Variants in DENND1B observed in about 807,000 individuals in gnomAD.
DENND1B encodes the protein DENN domain containing 1B.
A neutral mutation model predicts 90.1 loss-of-function variants in DENND1B; 59 were observed. The ratio of observed to expected loss-of-function variants is 0.65; its 90% CI spans 0.53 to 0.81. The LOEUF (loss-of-function observed/expected upper bound fraction) is 0.81, where lower values mean the gene tolerates loss of function less well. Among genes scored for constraint, DENND1B ranks in the 40% least tolerant of loss-of-function variants. DENND1B has a pLI of 0.00. For missense variants in DENND1B, 862 were observed against 912.6 expected, an observed-to-expected ratio of 0.94 and a Z score of 0.71; for synonymous variants, 337 against 324.6, an observed-to-expected ratio of 1.04 and a Z score of -0.41.
Position 197,510,234 on chromosome 1 carries a change from TAAAC to T in DENND1B, c.*222_*225del. The T allele has an allele frequency of 1.9e-6, 1 of 540,312 alleles. No individual in the cohort carries two copies. The highest frequency in any genetic ancestry group is 3.2e-6 in the Non-Finnish European group (1 of 312,746). The allele number at this position is 540,312 out of a possible 1,614,324, so 33.5% of individuals were successfully genotyped here. A position where few individuals can be genotyped will look rare whatever the true frequency, so the allele number is the denominator to read the frequency against. On this transcript the variant is annotated 3_prime_UTR_variant, in exon 23 of 23. Transcript: ENST00000620048. ...GAAATCTCATGGTCAATACATACTTTAAACATACATACACACTAGTACCTGATTT... is the reference window on the plus strand; with the variant it reads ...GAAATCTCATGGTCAATACATACTTTATACATACACACTAGTACCTGATTT...
intron 3 of DENND1B, among the ~76,000 whole-genome samples, chr1:197,674,667 TAAAAAAA>T (rs35033905): frequency 1.4e-5 from 2 of 144,700 alleles, no homozygotes; most frequent in Non-Finnish European, 3.0e-5. Flanking sequence ...GTCAAACAGT[TAAAAAAA>T]AAAAAAAAGA....
At chr1:197,765,590 AC>A (rs1412600312) in intron 2 of DENND1B, among the ~76,000 whole-genome samples, 1 of 152,216 alleles carries the variant, frequency 6.6e-6, no homozygotes, top group Non-Finnish European at 1.5e-5. Context: ...GGAACATATC[AC>A]CTTGAAAGTC....
chr1:197,693,908 G>A (rs1658169553), intron 3 of DENND1B, among the ~76,000 whole-genome samples: 1 of 151,478 alleles, frequency 6.6e-6, no homozygotes, highest in South Asian at 2.1e-4. Flanking sequence ...AAGATCGGGT[G>A]GAGAAGAGGC....
intron 20 of DENND1B, among the ~76,000 whole-genome samples, chr1:197,529,527 C>T (rs1303737139): frequency 6.6e-6 from 1 of 151,632 alleles, no homozygotes; most frequent in Non-Finnish European, 1.5e-5. Context: ...TGTAATACAG[C>T]TAAGCTCTCA....
chr1:197,700,199 C>T (rs115969497), intron 3 of DENND1B, among the ~76,000 whole-genome samples: 4,581 of 152,184 alleles, frequency 0.03, 101 homozygotes, highest in Middle Eastern at 0.058. Flanking sequence ...GGAGGCATCA[C>T]GCTACCTGAC....
chr1:197,695,704 A>G (rs1396658301), intron 3 of DENND1B, among the ~76,000 whole-genome samples: 1 of 151,126 alleles, frequency 6.6e-6, no homozygotes, highest in East Asian at 1.9e-4. Context: ...TGTCTCATGT[A>G]ATTGACTGGT....
chr1:197,732,829 T>C (rs1410819632), intron 2 of DENND1B, among the ~76,000 whole-genome samples: 2 of 152,170 alleles, frequency 1.3e-5, no homozygotes, highest in African/African-American at 4.8e-5. Context: ...TTCTTGGTAT[T>C]GACAATGCCA....
chr1:197,544,362 A>G (rs941459286), intron 18 of DENND1B, among the ~76,000 whole-genome samples: 1 of 152,172 alleles, frequency 6.6e-6, no homozygotes, highest in African/African-American at 2.4e-5. Flanking sequence ...GCAGAGGAGA[A>G]TATCTCACAT....
At chr1:197,513,463 C>T (rs1004119321) in intron 20 of DENND1B, among the ~76,000 whole-genome samples, 10 of 148,044 alleles carry the variant, frequency 6.8e-5, no homozygotes, top group African/African-American at 2.5e-4. Flanking sequence ...TATAGTGTTT[C>T]TGAGTCTGAA....
chr1:197,557,947 G>T (rs1246755730), intron 15 of DENND1B, among the ~76,000 whole-genome samples: 1 of 151,792 alleles, frequency 6.6e-6, no homozygotes, highest in East Asian at 1.9e-4. Context: ...TCTATAATGT[G>T]CTATCACATG....
At chr1:197,524,918 T>C (rs1669035876) in intron 20 of DENND1B, among the ~76,000 whole-genome samples, 1 of 152,214 alleles carries the variant, frequency 6.6e-6, no homozygotes, top group African/African-American at 2.4e-5. Context: ...CTTTACAGAC[T>C]GCTTTTACTG....
At chr1:197,564,441 G>T (rs1268166185) in intron 15 of DENND1B, among the ~76,000 whole-genome samples, 1 of 135,642 alleles carries the variant, frequency 7.4e-6, no homozygotes, top group Non-Finnish European at 1.6e-5. Context: ...TAAAAGCTCA[G>T]ATTATCATTA....
In DENND1B at chr1:197,621,883, TATG is replaced by T. The variant is rs1295407522; in HGVS notation, c.673-4127_673-4125del. On this transcript the variant is annotated intron_variant, in intron 10 of 22. Transcript: ENST00000620048. ...AAAAATTTCTTATCTTTATGTGACA[TATG>T]ATATTTAAAATGCACATATATTTTC... Among the ~76,000 whole-genome samples the T allele has an allele frequency of 4.6e-5, 7 of 151,648 alleles. No individual in the cohort carries two copies. The East Asian group carries it at 9.7e-4, about 21-fold the overall frequency.
At chr1:197,606,558 T>C (rs1444518622) in intron 13 of DENND1B, 1 of 151,252 alleles carries the variant, frequency 6.6e-6, no homozygotes, top group Non-Finnish European at 1.5e-5. Context: ...TTTCAGAAAG[T>C]TGAGGGAGAT....
intron 20 of DENND1B, among the ~76,000 whole-genome samples, chr1:197,537,619 AATC>A (rs1399254029): frequency 3.9e-4 from 59 of 152,200 alleles, no homozygotes; most frequent in African/African-American, 1.3e-3. Context: ...TGAGGGCAGT[AATC>A]ATTTCGTTAT....
intron 15 of DENND1B, among the ~76,000 whole-genome samples, chr1:197,580,256 T>C (rs954063160): frequency 8.4e-6 from 1 of 118,374 alleles, no homozygotes; most frequent in African/African-American, 3.0e-5. Flanking sequence ...CACGCCCAGC[T>C]AATTTTTTTT....
chr1:197,659,651 T>C (rs1654209966), intron 5 of DENND1B, among the ~76,000 whole-genome samples: 1 of 151,928 alleles, frequency 6.6e-6, no homozygotes, highest in Non-Finnish European at 1.5e-5. Context: ...TGCAGGTGGA[T>C]GACTTTGTAA....
At chr1:197,581,632 T>G (rs1418038261) in intron 15 of DENND1B, among the ~76,000 whole-genome samples, 2 of 152,090 alleles carry the variant, frequency 1.3e-5, no homozygotes, top group African/African-American at 4.8e-5. Flanking sequence ...TGCGATACAG[T>G]CAAAATGCAA....
intron 2 of DENND1B, among the ~76,000 whole-genome samples, chr1:197,722,569 G>C (rs1661284075): frequency 1.3e-5 from 2 of 152,068 alleles, no homozygotes; most frequent in South Asian, 4.1e-4. Context: ...AAATCTTACA[G>C]ACTTCCTTTG....
Sources: allele counts gnomAD v4.1 joint callset (sites outside exome capture counted in the v4.1 genomes callset), GRCh38; gene constraint gnomAD v4.1.1; transcripts MANE v1.5; gene names NCBI Gene and HGNC (gene_info 2026-07-23, HGNC 2026-07-21).